Variants in ZNF710 observed in about 807,000 individuals in gnomAD.
ZNF710 encodes zinc finger protein 710.
Under a neutral mutation model 50.6 loss-of-function variants are expected in ZNF710, and 13 were observed. That is an observed-to-expected ratio of 0.26 (90% CI 0.17 to 0.41). The LOEUF is 0.41. ZNF710 is among the 10% of genes least tolerant of loss of function. ZNF710 has a pLI of 1.00. For synonymous variants in ZNF710, 383 were observed against 397.0 expected, an observed-to-expected ratio of 0.96 and a Z score of 0.42; for missense variants, 721 against 936.6, an observed-to-expected ratio of 0.77 and a Z score of 3.01.
Position 90,067,990 on chromosome 15 carries a change from C to A in ZNF710, c.853C>A (p.Leu285Met). The change falls in exon 2 of 5, where the codon CTG (leucine) becomes ATG (methionine). Residue 285 changes from leucine (L) to methionine (M), a missense_variant. Physicochemically the swap from Leu to Met is conservative, Grantham distance 15. Transcript: ENST00000268154. This position sits in a 1 kb window ranked among gnomAD's most constrained non-coding sequence, Gnocchi z 8.1. Reference protein sequence around the residue: ...DINVQIDDSYLVEAGDRQKRW... With the variant: ...DINVQIDDSYMVEAGDRQKRW... ...CAACGTGCAGATTGACGACTCCTAT[C>A]TGGTGGAGGCGGGCGACCGCCAGAA... The A allele has an allele frequency of 6.2e-7, 1 of 1,614,190 alleles. No homozygotes were observed. The highest frequency in any genetic ancestry group is 8.5e-7 in the Non-Finnish European group (1 of 1,180,046).
chr15:90,079,835 G>C lies in ZNF710; in HGVS notation c.*6G>C, dbSNP rs371810672. 1.3e-6 allele frequency: 2 copies of C among 1,583,600 alleles called. No homozygotes were observed. Among genetic ancestry groups the C allele is most frequent in the African/African-American group, 1.4e-5 (1 of 73,050 alleles). On this transcript the variant is annotated 3_prime_UTR_variant, in exon 5 of 5. Transcript: ENST00000268154. ...CCTACTACAATGTGCTATAGCGCAA[G>C]CTGGGCCACCCCTAACGGGGGCCGG...
At chr15:90,078,573 C>T (rs1900647958) in intron 4 of ZNF710, among the ~76,000 whole-genome samples, 1 of 152,236 alleles carries the variant, frequency 6.6e-6, no homozygotes, top group African/African-American at 2.4e-5. Flanking sequence ...CAGTGGTTCT[C>T]AACTGAGCAT....
At chr15:90,016,268 C>T (rs1898453657) in intron 1 of ZNF710, among the ~76,000 whole-genome samples, 1 of 152,136 alleles carries the variant, frequency 6.6e-6, no homozygotes, top group Non-Finnish European at 1.5e-5. Context: ...AGTTAATACT[C>T]TCCAGAAACT....
intron 3 of ZNF710, 63 bp downstream of exon 3, chr15:90,073,325 T>A: frequency 6.5e-7 from 1 of 1,550,228 alleles, no homozygotes; most frequent in Non-Finnish European, 8.8e-7. Context: ...TCAGCATGCC[T>A]GCAGCAGCTG....
In ZNF710 at chr15:90,034,932, G is replaced by C. The variant is rs1184090444; in HGVS notation, c.-28-32178G>C. Among the ~76,000 whole-genome samples the C allele has an allele frequency of 3.3e-5, 5 of 152,234 alleles. No individual in the cohort carries two copies. The highest frequency in any genetic ancestry group is 5.9e-5 in the Non-Finnish European group (4 of 68,034). ...ACCCTCTGTTCACTCAGAGAAAGAG[G>C]CTTGATGGCCGGAGCCCCAGGGCTT... On this transcript the variant is annotated intron_variant, in intron 1 of 4. Transcript: ENST00000268154. The surrounding 1 kb of genome is among the most constrained non-coding windows in gnomAD (Gnocchi z 4.0).
At chr15:90,003,887 C>T (rs1006874083) in intron 1 of ZNF710, among the ~76,000 whole-genome samples, 3 of 152,006 alleles carry the variant, frequency 2.0e-5, no homozygotes, top group African/African-American at 4.8e-5. Flanking sequence ...GCATGAGGGC[C>T]GTGGGGATAG....
At chr15:90,044,873 T>A (rs1272823383) in intron 1 of ZNF710, among the ~76,000 whole-genome samples, 2 of 152,122 alleles carry the variant, frequency 1.3e-5, no homozygotes, top group Non-Finnish European at 2.9e-5. Flanking sequence ...CACCAGTCAC[T>A]GTGGTCTGAG....
chr15:90,030,392 A>G (rs931943286), intron 1 of ZNF710, among the ~76,000 whole-genome samples: 6 of 151,426 alleles, frequency 4.0e-5, no homozygotes, highest in Non-Finnish European at 5.9e-5. Flanking sequence ...TAGATGAGGA[A>G]ACTGAGGCAC....
At position 90,074,732 on chromosome 15, in the gene ZNF710, T is replaced by C. The variant is rs909260746; in HGVS notation, c.1825+442T>C. 1.4e-5 allele frequency: 5 copies of C among 344,914 alleles called. No individual in the cohort carries two copies. In the Admixed American group the frequency reaches 2.3e-4, roughly 16 times the overall value. The allele number at this position is 344,914 out of a possible 1,614,324, so 21.4% of individuals were successfully genotyped here. A position where few individuals can be genotyped will look rare whatever the true frequency, so the allele number is the denominator to read the frequency against. On this transcript the variant is annotated intron_variant, in intron 4 of 4. Coordinates refer to ENST00000268154, the MANE Select transcript of ZNF710 (RefSeq NM_198526.4). ...CGTGAGATAATATTTCAAATAAGTG[T>C]ATGGGAAAGAAAGTTAGAAAGGGGA...
intron 1 of ZNF710, among the ~76,000 whole-genome samples, chr15:90,044,443 C>T (rs917022802): frequency 4.6e-5 from 7 of 152,292 alleles, no homozygotes; most frequent in South Asian, 2.1e-4. Flanking sequence ...GGAAGGGGGC[C>T]GGTCCACACG....
intron 1 of ZNF710, among the ~76,000 whole-genome samples, chr15:90,019,085 AT>A: frequency 6.6e-6 from 1 of 151,370 alleles, no homozygotes; most frequent in East Asian, 1.9e-4. Flanking sequence ...AAAACCACCT[AT>A]AATTATTAAT....
At position 90,034,202 on chromosome 15, in the gene ZNF710, A is replaced by AAAAAGAAAAG. The variant is rs60950814; in HGVS notation, c.-29+32608_-29+32617dup. Among the ~76,000 whole-genome samples the AAAAAGAAAAG allele has an allele frequency of 8.3e-3, 1,249 of 151,112 alleles. 19 individuals are homozygous for AAAAAGAAAAG. Among genetic ancestry groups the AAAAAGAAAAG allele is most frequent in the African/African-American group, 0.028 (1,152 of 40,836 alleles). ...GACAGAGTGAGACTCTGTCTCAAAA[A>AAAAAGAAAAG]AAAAGAAAAGAAAAGAAAAGAAAAG... On this transcript the variant is annotated intron_variant, in intron 1 of 4. Transcript: ENST00000268154. The surrounding 1 kb of genome is among the most constrained non-coding windows in gnomAD (Gnocchi z 4.0).
chr15:90,045,514 G>A, intron 1 of ZNF710: 3 of 657,204 alleles, frequency 4.6e-6, no homozygotes, highest in Non-Finnish European at 5.7e-6. Context: ...TCAGGCCAAG[G>A]CCTGAGCCCA....
At position 90,067,435 on chromosome 15, in the gene ZNF710, C is replaced by CG; in HGVS notation, c.300dup (p.Pro101AlafsTer23). The CG allele has an allele frequency of 6.2e-7, 1 of 1,607,502 alleles. No individual in the cohort carries two copies. Among genetic ancestry groups the CG allele is most frequent in the Non-Finnish European group, 8.5e-7 (1 of 1,176,768 alleles). ...TGAGAAGCACACCCGGCGGAAGACG[C>CG]GGCCACCTGTGCGGTTGGTGCCCAA... On this transcript the variant is annotated frameshift_variant, in exon 2 of 5. Coordinates refer to ENST00000268154, the MANE Select transcript of ZNF710 (RefSeq NM_198526.4). LOFTEE classifies it high-confidence loss of function. The surrounding 1 kb of genome is among the most constrained non-coding windows in gnomAD (Gnocchi z 8.1).
At chr15:90,012,364 C>T (rs1326061862) in intron 1 of ZNF710, among the ~76,000 whole-genome samples, 1 of 132,318 alleles carries the variant, frequency 7.6e-6, no homozygotes, top group Non-Finnish European at 1.5e-5. Context: ...ACAATCTTGG[C>T]TCACTGCAAG....
intron 1 of ZNF710, chr15:90,025,258 T>C (rs1898742921): frequency 6.6e-6 from 1 of 152,144 alleles, no homozygotes; most frequent in South Asian, 2.1e-4. Context: ...ATCCAATTAT[T>C]CCTCAAGTTC....
At chr15:90,008,861 T>C (rs1449407371) in intron 1 of ZNF710, among the ~76,000 whole-genome samples, 2 of 152,176 alleles carry the variant, frequency 1.3e-5, no homozygotes, top group African/African-American at 2.4e-5. Flanking sequence ...CTATTGTGTG[T>C]TTATTTCTGG....
chr15:90,020,115 C>T (rs1325383247), intron 1 of ZNF710, among the ~76,000 whole-genome samples: 4 of 152,192 alleles, frequency 2.6e-5, no homozygotes, highest in African/African-American at 9.6e-5. Flanking sequence ...GATGGAATTA[C>T]TGAGGAAGTA....
rs1899250874 is a variant in ZNF710 at position 90,040,028 on chromosome 15, A to G, written c.-28-27082A>G. ...TGGACAAGTGTAATCTTGCTATCAC[A>G]TATTAGGAAAGACCATAATGTACAG... On this transcript the variant is annotated intron_variant, in intron 1 of 4. Transcript: ENST00000268154. This position sits in a 1 kb window ranked among gnomAD's most constrained non-coding sequence, Gnocchi z 4.6. 6.6e-6 allele frequency among the ~76,000 whole-genome samples: 1 copy of G among 152,194 alleles called. No homozygotes were observed. The highest frequency in any genetic ancestry group is 2.1e-4 in the South Asian group (1 of 4,834).
Sources: allele counts gnomAD v4.1 joint callset (sites outside exome capture counted in the v4.1 genomes callset), GRCh38; gene constraint gnomAD v4.1.1; non-coding constraint Gnocchi (gnomAD v3.1); transcripts MANE v1.5; gene names NCBI Gene and HGNC (gene_info 2026-07-23, HGNC 2026-07-21).